HNF1A: variants seen among roughly 807,000 people sequenced by gnomAD.
HNF1A encodes hepatocyte nuclear factor 1-alpha.
HNF1A carries 21 observed loss-of-function variants against 62.2 expected under a neutral mutation model. That is an observed-to-expected ratio of 0.34 (90% confidence interval 0.24 to 0.49). The LOEUF is 0.49. Among genes scored for constraint, HNF1A ranks in the 20% least tolerant of loss-of-function variants. The pLI is 0.99. For missense variants in HNF1A, 687 were observed against 832.3 expected, an observed-to-expected ratio of 0.83 and a Z score of 2.15; for synonymous variants, 374 against 366.8, an observed-to-expected ratio of 1.02 and a Z score of -0.22.
Position 121,001,228 on chromosome 12 carries a change from C to T in HNF1A, c.*36C>T, listed in dbSNP as rs1274601944. The T allele has an allele frequency of 6.2e-7, 1 of 1,611,880 alleles. No individual in the cohort carries two copies. Among genetic ancestry groups the T allele is most frequent in the Non-Finnish European group, 8.5e-7 (1 of 1,179,222 alleles). On this transcript the variant is annotated 3_prime_UTR_variant, in exon 10 of 10. Transcript: ENST00000257555. ...TGGGCCCTGGGGCCTGTACTGCCTG[C>T]TTGGGGGGTGATGAGGGCAGCAGCC...
rs34738791 is a variant in HNF1A, at chr12:120,984,945, CT to C, written c.327-3870del. ...TCCTCAAGAAACATGAGTTCTCAGA[CT>C]TTTTTTTTTTTTTTTTTGAGACAGG... On this transcript the variant is annotated intron_variant, in intron 1 of 9. Transcript: ENST00000257555. Among the ~76,000 whole-genome samples, 336 of 130,632 alleles carry C rather than the reference CT, an allele frequency of 2.6e-3. 3 individuals are homozygous for C. The highest frequency in any genetic ancestry group is 0.014 in the East Asian group (64 of 4,444). 85.7% of individuals were successfully genotyped at this position (130,632 alleles called of 152,430 possible).
intron 1 of HNF1A, among the ~76,000 whole-genome samples, chr12:120,981,701 G>T (rs554439854): frequency 1.3e-5 from 2 of 152,160 alleles, no homozygotes; most frequent in Middle Eastern, 3.2e-3. Context: ...CCAAAAGGGG[G>T]CCCCACCCCC....
chr12:120,997,721 G>A (rs1445759603), intron 7 of HNF1A, 56 bp downstream of exon 7: 1 of 1,533,124 alleles, frequency 6.5e-7, no homozygotes. Context: ...GGCTGTCAAT[G>A]GATGCAGGGG....
intron 1 of HNF1A, among the ~76,000 whole-genome samples, chr12:120,983,229 G>C (rs918176995): frequency 6.6e-6 from 1 of 152,158 alleles, no homozygotes. Flanking sequence ...TGCTGTGTGG[G>C]GCCAAGGGTC....
chr12:120,984,635 C>T (rs1270946886), intron 1 of HNF1A, among the ~76,000 whole-genome samples: 1 of 150,408 alleles, frequency 6.6e-6, no homozygotes, highest in African/African-American at 2.5e-5. Flanking sequence ...TACTGCCCTT[C>T]CTTCTGAGCT....
At position 120,999,405 on chromosome 12, in the gene HNF1A, G is replaced by C; in HGVS notation, c.1623+16G>C. 6.2e-7 allele frequency: 1 copy of C among 1,613,806 alleles called. No individual in the cohort carries two copies. The highest frequency in any genetic ancestry group is 8.5e-7 in the Non-Finnish European group (1 of 1,179,922). On this transcript the variant is annotated intron_variant, in intron 8 of 9. Coordinates refer to ENST00000257555, the MANE Select transcript of HNF1A (RefSeq NM_000545.8). ...CACCAAGCAGGTAAGGTCCAGGCCT[G>C]CTGGCCCTCCCTTGGCCTGTGACAG...
At chr12:120,983,474 A>C (rs1198870030) in intron 1 of HNF1A, among the ~76,000 whole-genome samples, 1 of 151,334 alleles carries the variant, frequency 6.6e-6, no homozygotes, top group African/African-American at 2.4e-5. Context: ...CATTGGTTTG[A>C]CTCTCAAACC....
At chr12:120,997,837 T>C in intron 7 of HNF1A, 172 bp downstream of exon 7, 1 of 759,704 alleles carries the variant, frequency 1.3e-6, no homozygotes. Context: ...TGAATGCACG[T>C]ATCTGTGTGT....
Position 120,994,361 on chromosome 12 carries a change from C to T in HNF1A, c.911C>T (p.Ser304Phe), listed in dbSNP as rs1225316792. ...GGACCTGCGCTGCCCGCTCACAGCT[C>T]CCCTGGCCTGCCTCCACCTGCCCTC... is the stretch of plus-strand genomic sequence containing the variant. Reference protein sequence around the residue: ...GPGPALPAHSSPGLPPPALSP... With the variant: ...GPGPALPAHSFPGLPPPALSP... The change falls in exon 4 of 10, where the codon TCC becomes TTC. Residue 304 changes from serine (S) to phenylalanine (F), a missense_variant. Ser to Phe is a radical substitution (Grantham distance 155). This residue lies in a region of HNF1A where 408 missense variants were observed against 455.3 expected (regional missense o/e 0.90). Transcript: ENST00000257555. 1.9e-6 allele frequency: 3 copies of T among 1,597,974 alleles called. No homozygotes were observed. Among genetic ancestry groups the T allele is most frequent in the Middle Eastern group, 3.3e-4 (2 of 6,042 alleles).
Position 120,979,035 on chromosome 12 carries a change from G to A in HNF1A, c.267G>A (p.Leu89=), listed in dbSNP as rs781546617. 6.2e-7 allele frequency: 1 copy of A among 1,611,988 alleles called. No homozygotes were observed. Among genetic ancestry groups the A allele is most frequent in the Non-Finnish European group, 8.5e-7 (1 of 1,179,190 alleles). Reference sequence around the variant, plus strand: ...TCACGCCACCCATCCTCAAAGAGCTGGAGAACCTCAGCCCTGAGGAGGCGG... The same window carrying A: ...TCACGCCACCCATCCTCAAAGAGCTAGAGAACCTCAGCCCTGAGGAGGCGG... ...EDFTPPILKE[L]ENLSPEEAAH... Residue 89 remains leucine (L), a synonymous_variant, in exon 1 of 10, where the codon CTG becomes CTA. Coordinates refer to ENST00000257555, the MANE Select transcript of HNF1A (RefSeq NM_000545.8).
rs747581338 is a variant in HNF1A at position 121,001,031 on chromosome 12, G to GGT, written c.1769-32_1769-31dup. 25 of 1,611,180 alleles carry GGT rather than the reference G, an allele frequency of 1.6e-5. No individual in the cohort carries two copies. The East Asian group carries it at 5.6e-4, about 36-fold the overall frequency. ...GCAGGTGGGGTGGGTGTGGGTGCCT[G>GGT]GTGGGTGGCTAGCAGCCTTGTTTGC... On this transcript the variant is annotated intron_variant, in intron 9 of 9. Coordinates refer to ENST00000257555, the MANE Select transcript of HNF1A (RefSeq NM_000545.8).
intron 1 of HNF1A, 148 bp downstream of exon 1, chr12:120,979,242 A>T: frequency 2.6e-6 from 2 of 759,150 alleles, no homozygotes; most frequent in Non-Finnish European, 4.4e-6. Flanking sequence ...ATGAGAGCCC[A>T]GGGGTCCTTG....
rs765195917 is a variant in HNF1A, at chr12:120,999,460, A to T, written c.1624-23A>T. ...CCTCACCCCCACATCCCCCGGGCTC[A>T]GGAGGCTGCTCTGCTCCCCCAGGTC... is the stretch of plus-strand genomic sequence containing the variant. On this transcript the variant is annotated intron_variant, in intron 8 of 9. Transcript: ENST00000257555. The T allele has an allele frequency of 3.1e-6, 5 of 1,613,708 alleles. No homozygotes were observed. In the East Asian group the frequency reaches 1.1e-4, roughly 36 times the overall value.
In HNF1A at chr12:120,989,979, C is replaced by A. The variant is rs543241136; in HGVS notation, c.526+947C>A. Among the ~76,000 whole-genome samples, 3 of 152,202 alleles carry A rather than the reference C, an allele frequency of 2.0e-5. No homozygotes were observed. The East Asian group carries it at 5.8e-4, about 29-fold the overall frequency. ...CGGTCAGGAAATCCTCCACTGCAAA[C>A]TCAGGAAGCTCTGGGAGCCCTATTA... On this transcript the variant is annotated intron_variant, in intron 2 of 9. Coordinates refer to ENST00000257555, the MANE Select transcript of HNF1A (RefSeq NM_000545.8).
At position 120,978,813 on chromosome 12, in the gene HNF1A, C is replaced by G. The variant is rs749149857; in HGVS notation, c.45C>G (p.Ala15=). 14 of 1,612,994 alleles carry G rather than the reference C, an allele frequency of 8.7e-6. No individual in the cohort carries two copies. Among genetic ancestry groups the G allele is most frequent in the Non-Finnish European group, 1.2e-5 (14 of 1,179,884 alleles). Residue 15 remains alanine, a synonymous_variant, in exon 1 of 10, where the codon GCC becomes GCG. Coordinates refer to ENST00000257555, the MANE Select transcript of HNF1A (RefSeq NM_000545.8). ...LSQLQTELLA[A]LLESGLSKEA... is the part of the protein sequence containing the mutation. ...AGCTGCAGACGGAGCTCCTGGCGGC[C>G]CTGCTCGAGTCAGGGCTGAGCAAAG...
Position 121,001,767 on chromosome 12 carries a change from A to G in HNF1A, c.*575A>G, listed in dbSNP as rs1414799054. ...TCACACAGGCATTTCCTGGGTGGCT[A>G]CTCTGTGCCAGAGCCTGGGGCTCTA... On this transcript the variant is annotated 3_prime_UTR_variant, in exon 10 of 10. Coordinates refer to ENST00000257555, the MANE Select transcript of HNF1A (RefSeq NM_000545.8). 2 of 535,344 alleles carry G rather than the reference A, an allele frequency of 3.7e-6. No individual in the cohort carries two copies. Among genetic ancestry groups the G allele is most frequent in the South Asian group, 3.1e-5 (2 of 65,038 alleles). 33.2% of individuals were successfully genotyped at this position (535,344 alleles called of 1,614,324 possible).
chr12:120,988,259 TCCAC>T (rs1252436953), intron 1 of HNF1A, among the ~76,000 whole-genome samples: 6 of 125,360 alleles, frequency 4.8e-5, no homozygotes, highest in Non-Finnish European at 6.8e-5. Flanking sequence ...CCATCATCCA[TCCAC>T]CCACCCACCC....
intron 2 of HNF1A, among the ~76,000 whole-genome samples, chr12:120,990,195 G>A (rs1342982207): frequency 4.6e-5 from 7 of 152,170 alleles, no homozygotes; most frequent in African/African-American, 1.7e-4. Context: ...AGGCTGGAGT[G>A]CAGTGGCGTG....
intron 1 of HNF1A, among the ~76,000 whole-genome samples, chr12:120,987,809 TC>T (rs1439519976): frequency 6.9e-6 from 1 of 144,968 alleles, no homozygotes; most frequent in Admixed American, 6.9e-5. Flanking sequence ...TATCTATCTA[TC>T]TACGTGTTTG....
Sources: gnomAD v4.1 joint callset for allele counts (sites outside exome capture counted in the v4.1 genomes callset) on GRCh38, gnomAD v4.1.1 for gene constraint, gnomAD v4.1.1 regional missense constraint, MANE v1.5 for transcripts, NCBI Gene and HGNC (gene_info 2026-07-23, HGNC 2026-07-21) for gene names.